The following TPPP variants were observed in gnomAD, a reference collection of about 807,000 sequenced individuals.
The protein encoded by TPPP is tubulin polymerization promoting protein.
In TPPP, 6 loss-of-function variants were observed where a neutral mutation model predicts 15.5. The observed-to-expected ratio is 0.39, with a 90% confidence interval of 0.21 to 0.77. The LOEUF is 0.77. TPPP is among the 30% of genes least tolerant of loss of function. The probability of loss-of-function intolerance (pLI) is 0.42; values close to 1 mark genes in which losing one functional copy is unlikely to be tolerated. For synonymous variants in TPPP, 146 were observed against 133.9 expected (o/e 1.09, Z -0.63); for missense variants, 269 against 307.2 (o/e 0.88, Z 0.93).
chr5:681,776 A>C (rs1020460103), intron 1 of TPPP, among the ~76,000 whole-genome samples: 4 of 152,176 alleles, frequency 2.6e-5, no homozygotes, highest in East Asian at 1.9e-4. Context: ...ATCTTCAAAA[A>C]AGGCTTGGAA....
the TPPP span, among the ~76,000 whole-genome samples, chr5:699,372 G>T: frequency 6.6e-6 from 1 of 152,184 alleles, no homozygotes; most frequent in South Asian, 2.1e-4. Flanking sequence ...CTGAGGAAAT[G>T]ACACCCTTTT....
At chr5:693,428 CG>C (rs1485369134), upstream of TPPP, 1 of 143,684 alleles carries the variant, frequency 7.0e-6, no homozygotes, top group African/African-American at 2.6e-5. Context: ...GGCCCGCCCC[CG>C]GCCCCCAGCG....
At chr5:683,601 C>A (rs1740686210) in intron 1 of TPPP, among the ~76,000 whole-genome samples, 1 of 152,230 alleles carries the variant, frequency 6.6e-6, no homozygotes, top group South Asian at 2.1e-4. Flanking sequence ...TGCAGGATGC[C>A]CCTGGCAGGG....
At chr5:685,023 GAGGTCACAGTCCTGAA>G (rs1740730452) in intron 1 of TPPP, among the ~76,000 whole-genome samples, 1 of 152,200 alleles carries the variant, frequency 6.6e-6, no homozygotes, top group Non-Finnish European at 1.5e-5. Flanking sequence ...CACGTCCAGA[GAGGTCACAGTCCTGAA>G]AGGTCACGGT....
chr5:672,392 G>C (rs538833261), intron 2 of TPPP, among the ~76,000 whole-genome samples: 1 of 152,236 alleles, frequency 6.6e-6, no homozygotes, highest in Non-Finnish European at 1.5e-5. Flanking sequence ...TATAGGAAAC[G>C]TCAGTGCATT....
chr5:700,129 A>C, the TPPP span, among the ~76,000 whole-genome samples: 1 of 152,002 alleles, frequency 6.6e-6, no homozygotes, highest in African/African-American at 2.4e-5. Flanking sequence ...TTATATCAAA[A>C]ACCACCTGCA....
chr5:665,481 C>T (rs1279240839), intron 3 of TPPP, among the ~76,000 whole-genome samples, 185 bp from the exon 4 acceptor site: 6 of 152,052 alleles, frequency 3.9e-5, no homozygotes, highest in African/African-American at 1.2e-4. Context: ...AGCCTTGGGC[C>T]TGCGGGGTGC....
chr5:678,163 G>C (rs1389185483), intron 1 of TPPP, 99 bp from the exon 2 acceptor site: 2 of 1,313,980 alleles, frequency 1.5e-6, no homozygotes, highest in Non-Finnish European at 1.0e-6. Context: ...GCACCAGGAC[G>C]TGGCGAGGGC....
chr5:666,692 C>T (rs1178147815), intron 2 of TPPP, among the ~76,000 whole-genome samples: 2 of 151,998 alleles, frequency 1.3e-5, no homozygotes, highest in South Asian at 2.1e-4. Flanking sequence ...CCCGGTGGGC[C>T]GGAGGTGCCA....
chr5:692,971 G>C (rs1417196246), intron 1 of TPPP: 1 of 735,872 alleles, frequency 1.4e-6, no homozygotes, highest in African/African-American at 1.8e-5. Flanking sequence ...GCGAAGAAAG[G>C]CCAAAGCGCC....
chr5:697,211 T>C (rs1341697178), upstream of TPPP, among the ~76,000 whole-genome samples: 1 of 151,470 alleles, frequency 6.6e-6, no homozygotes, highest in Non-Finnish European at 1.5e-5. Context: ...CACACACCTG[T>C]GACCCAGAGA....
chr5:669,776 C>T (rs372024153), intron 2 of TPPP, among the ~76,000 whole-genome samples: 8 of 152,142 alleles, frequency 5.3e-5, no homozygotes, highest in East Asian at 1.9e-4. Flanking sequence ...CCCACACGGG[C>T]GGGGAGCTCT....
At position 665,286 on chromosome 5, in the gene TPPP, G is replaced by A. The variant is rs1335924594; in HGVS notation, c.476C>T (p.Ser159Leu). 6 of 1,612,858 alleles carry A rather than the reference G, an allele frequency of 3.7e-6. No individual in the cohort carries two copies. The highest frequency in any genetic ancestry group is 1.3e-5 in the African/African-American group (1 of 75,022). ...CGTGAGCCTCGACACTGTGGGCGAC[G>A]AGATGGCTTTCTGCAAGAGGAGCAG... The part of the protein sequence containing the change: ...PIISGVTKAI[S>L]SPTVSRLTDT... The change falls in exon 4 of 4, where the codon TCG (serine) becomes TTG (leucine). Residue 159 changes from serine (S) to leucine (L), a missense_variant. Coordinates refer to ENST00000360578, the MANE Select transcript of TPPP (RefSeq NM_007030.3).
In TPPP at chr5:678,007, G is replaced by T. The variant is rs767616841; in HGVS notation, c.54C>A (p.Ser18=). 4 of 1,602,526 alleles carry T rather than the reference G, an allele frequency of 2.5e-6. No individual in the cohort carries two copies. The South Asian group carries it at 4.5e-5, about 18-fold the overall frequency. The change falls in exon 2 of 4, where the codon TCC becomes TCA. Residue 18 remains serine, a synonymous_variant. Transcript: ENST00000360578. ...CCCGGTCCTTCGAGGGGTCCCCCGG[G>T]GACTTGGGGGGCGTCCTGTTGGCAG... The part of the protein sequence containing the change: ...AKAANRTPPK[S]PGDPSKDRAA...
In TPPP at chr5:676,823, C is replaced by CG. The variant is rs1491064554; in HGVS notation, c.311+926_311+927insC. 1.3e-4 allele frequency among the ~76,000 whole-genome samples: 13 copies of CG among 100,092 alleles called. No individual in the cohort carries two copies. In the African/African-American group the frequency reaches 1.9e-3, roughly 15 times the overall value. The allele number at this position is 100,092 out of a possible 152,430, so 65.7% of individuals were successfully genotyped here. ...GTGCACATGCAGAAACACATGCACA[C>CG]ATGCGCACACGTGCACACACGACAC... On this transcript the variant is annotated intron_variant, in intron 2 of 3. Coordinates refer to ENST00000360578, the MANE Select transcript of TPPP (RefSeq NM_007030.3).
chr5:672,889 C>T (rs961062037), intron 2 of TPPP, among the ~76,000 whole-genome samples: 2 of 152,238 alleles, frequency 1.3e-5, no homozygotes, highest in Admixed American at 6.5e-5. Context: ...AGATTTAACA[C>T]ATAGTAACAT....
intron 1 of TPPP, 58 bp from the exon 2 acceptor site, chr5:678,122 T>C: frequency 6.9e-7 from 1 of 1,443,370 alleles, no homozygotes; most frequent in Non-Finnish European, 9.2e-7. Flanking sequence ...CTGAGCCGGG[T>C]GCAGCCCAGG....
At chr5:686,394 G>A (rs1164228075) in intron 1 of TPPP, among the ~76,000 whole-genome samples, 3 of 152,138 alleles carry the variant, frequency 2.0e-5, no homozygotes, top group South Asian at 4.2e-4. Context: ...TCTCAAGGGG[G>A]CAGAGCAGGT....
chr5:686,036 T>C (rs1158470677), intron 1 of TPPP, among the ~76,000 whole-genome samples: 14 of 152,054 alleles, frequency 9.2e-5, no homozygotes, highest in South Asian at 2.1e-4. Context: ...AAGGACGCTG[T>C]GGCGGAGACT....
Sources: allele counts gnomAD v4.1 joint callset (sites outside exome capture counted in the v4.1 genomes callset), GRCh38; gene constraint gnomAD v4.1.1; transcripts MANE v1.5; gene names NCBI Gene and HGNC (gene_info 2026-07-23, HGNC 2026-07-21).